Variants in ANTXR2 observed in about 807,000 individuals in gnomAD.
ANTXR2 encodes the protein anthrax toxin receptor 2.
In ANTXR2, 44 loss-of-function variants were observed where a neutral mutation model predicts 73.7. The observed-to-expected ratio is 0.60, with a 90% CI of 0.47 to 0.77. The LOEUF (loss-of-function observed/expected upper bound fraction) is 0.77, where lower values mean the gene tolerates loss of function less well. ANTXR2 is among the 30% of genes least tolerant of loss of function. ANTXR2 has a pLI of 0.00. For synonymous variants in ANTXR2, 217 were observed against 205.9 expected (o/e 1.05, Z -0.46); for missense variants, 604 against 592.5 (o/e 1.02, Z -0.20).
chr4:79,949,131 AT>A (rs1209761960), intron 16 of ANTXR2, among the ~76,000 whole-genome samples: 1 of 152,170 alleles, frequency 6.6e-6, no homozygotes, highest in Non-Finnish European at 1.5e-5. Flanking sequence ...AAATTCATCA[AT>A]TTAGGTATAA....
intron 16 of ANTXR2, among the ~76,000 whole-genome samples, chr4:79,930,326 T>C (rs1215422566): frequency 6.6e-6 from 1 of 152,144 alleles, no homozygotes; most frequent in East Asian, 1.9e-4. Flanking sequence ...CCGTAGAAAG[T>C]GAACTCTGAT....
chr4:79,993,787 C>T (rs1730599186), intron 12 of ANTXR2, among the ~76,000 whole-genome samples: 1 of 151,642 alleles, frequency 6.6e-6, no homozygotes, highest in Non-Finnish European at 1.5e-5. Flanking sequence ...CACACACATG[C>T]ACTTTTTCTT....
intron 3 of ANTXR2, among the ~76,000 whole-genome samples, chr4:80,065,040 C>A (rs1370318518): frequency 6.6e-6 from 1 of 152,000 alleles, no homozygotes; most frequent in African/African-American, 2.4e-5. Context: ...TTTGTAAAGT[C>A]GAGGTAATAA....
chr4:80,009,838 C>A (rs1731482525), intron 11 of ANTXR2, among the ~76,000 whole-genome samples: 1 of 145,618 alleles, frequency 6.9e-6, no homozygotes, highest in South Asian at 2.2e-4. Flanking sequence ...CAGAGTGAGA[C>A]TCCATCTCAA....
At chr4:79,927,070 T>A (rs980857052) in intron 16 of ANTXR2, among the ~76,000 whole-genome samples, 14 of 150,460 alleles carry the variant, frequency 9.3e-5, no homozygotes, top group Non-Finnish European at 1.9e-4. Flanking sequence ...TGTATATATA[T>A]ATATATATGA....
chr4:79,945,986 T>G (rs1728500437), intron 16 of ANTXR2, among the ~76,000 whole-genome samples: 1 of 152,202 alleles, frequency 6.6e-6, no homozygotes, highest in South Asian at 2.1e-4. Context: ...AGATACAAAT[T>G]TTTGAATTAT....
chr4:79,993,082 C>G (rs561366615), intron 12 of ANTXR2, among the ~76,000 whole-genome samples: 1 of 152,054 alleles, frequency 6.6e-6, no homozygotes, highest in South Asian at 2.1e-4. Context: ...TTAATTTTAT[C>G]TACAAAAAAA....
At chr4:80,052,196 A>G (rs746578120) in intron 7 of ANTXR2, among the ~76,000 whole-genome samples, 1 of 151,698 alleles carries the variant, frequency 6.6e-6, no homozygotes, top group Non-Finnish European at 1.5e-5. Context: ...GATAAATCAT[A>G]AAGAATAGAG....
chr4:79,993,760 G>GCACACACACACACACA (rs1553931141), intron 12 of ANTXR2, among the ~76,000 whole-genome samples: 420 of 140,766 alleles, frequency 3.0e-3, no homozygotes, highest in African/African-American at 4.1e-3. Flanking sequence ...ACACACACAC[G>GCACACACACACACACA]CACACACACA....
chr4:79,982,085 A>G (rs982281337), intron 14 of ANTXR2, among the ~76,000 whole-genome samples: 4 of 152,176 alleles, frequency 2.6e-5, no homozygotes, highest in Non-Finnish European at 5.9e-5. Flanking sequence ...TCTTTGGAAC[A>G]CTGGAATATT....
At chr4:79,924,444 T>TCA (rs1228035350) in intron 16 of ANTXR2, among the ~76,000 whole-genome samples, 7 of 152,000 alleles carry the variant, frequency 4.6e-5, no homozygotes, top group Admixed American at 6.6e-5. Flanking sequence ...TGAGCTATGA[T>TCA]CACACCACTG....
intron 12 of ANTXR2, among the ~76,000 whole-genome samples, chr4:79,989,599 TGAG>T (rs1469254402): frequency 6.6e-6 from 1 of 151,982 alleles, no homozygotes; most frequent in Non-Finnish European, 1.5e-5. Flanking sequence ...TCCAAAAAGT[TGAG>T]GAGAAGGGAC....
At chr4:79,994,986 G>T (rs114253970) in intron 12 of ANTXR2, among the ~76,000 whole-genome samples, 25 of 152,016 alleles carry the variant, frequency 1.6e-4, no homozygotes, top group African/African-American at 5.8e-4. Flanking sequence ...CCAGCCTGAT[G>T]ATCCTGATGC....
chr4:80,044,487 C>A (rs1324476931), intron 7 of ANTXR2, among the ~76,000 whole-genome samples: 1 of 151,454 alleles, frequency 6.6e-6, no homozygotes, highest in Non-Finnish European at 1.5e-5. Flanking sequence ...TGGTGTCGAT[C>A]CAAGATAATA....
chr4:80,024,247 C>CACAGAAGGAACACAG (rs1396992864), intron 10 of ANTXR2, among the ~76,000 whole-genome samples: 1 of 152,152 alleles, frequency 6.6e-6, no homozygotes, highest in Admixed American at 6.5e-5. Context: ...ACAGAAGGAG[C>CACAGAAGGAACACAG]AAGTTTGAAC....
chr4:80,043,762 T>C (rs927762528), intron 7 of ANTXR2, among the ~76,000 whole-genome samples: 5 of 152,044 alleles, frequency 3.3e-5, no homozygotes, highest in African/African-American at 1.2e-4. Flanking sequence ...CCCTGCCTGC[T>C]GGCCTCCTTG....
chr4:80,065,705 C>G (rs183431503), intron 3 of ANTXR2, among the ~76,000 whole-genome samples: 1 of 152,336 alleles, frequency 6.6e-6, no homozygotes, highest in East Asian at 1.9e-4. Flanking sequence ...CACAGCCCTA[C>G]GGTAAGTATT....
At chr4:80,061,489 G>A (rs192349540) in intron 3 of ANTXR2, among the ~76,000 whole-genome samples, 88 of 152,086 alleles carry the variant, frequency 5.8e-4, no homozygotes, top group African/African-American at 2.1e-3. Context: ...TAATCTGCTT[G>A]AAATAAACAG....
rs1453112150 is a variant in ANTXR2 at position 80,055,454 on chromosome 4, A to T, written c.392T>A (p.Ile131Asn). Reference protein sequence around the residue: ...HEGLKLANEQIQKAGGLKTSS... With the variant: ...HEGLKLANEQNQKAGGLKTSS... The stretch of plus-strand genomic sequence containing the variant: ...GGTTTTCAAGCCTCCTGCTTTCTGA[A>T]TTTGTTCATTCGCCTGAAAATGAAG... Residue 131 changes from isoleucine to asparagine, a missense_variant, in exon 5 of 17, where the codon ATT becomes AAT. Transcript: ENST00000403729. 2 of 1,609,818 alleles carry T rather than the reference A, an allele frequency of 1.2e-6. No homozygotes were observed. Among genetic ancestry groups the T allele is most frequent in the Non-Finnish European group, 1.7e-6 (2 of 1,177,596 alleles).
Sources: allele counts gnomAD v4.1 joint callset (sites outside exome capture counted in the v4.1 genomes callset), GRCh38; gene constraint gnomAD v4.1.1; transcripts MANE v1.5; gene names NCBI Gene and HGNC (gene_info 2026-07-23, HGNC 2026-07-21).